Variants in MRC2 observed in about 807,000 individuals in gnomAD.
MRC2 encodes mannose receptor C-type 2, also known as C-type mannose receptor 2.
A neutral mutation model predicts 206.2 loss-of-function variants in MRC2; 84 were observed. The ratio of observed to expected loss-of-function variants is 0.41; its 90% CI spans 0.34 to 0.49. The LOEUF (loss-of-function observed/expected upper bound fraction) is 0.49, where lower values mean the gene tolerates loss of function less well. Among genes scored for constraint, MRC2 ranks in the 20% least tolerant of loss-of-function variants. The probability of loss-of-function intolerance (pLI) is 0.31; values close to 1 mark genes in which losing one functional copy is unlikely to be tolerated. For synonymous variants in MRC2, 798 were observed against 800.0 expected, an observed-to-expected ratio of 1.00 and a Z score of 0.04; for missense variants, 1,676 against 2,001.5, an observed-to-expected ratio of 0.84 and a Z score of 3.10.
chr17:62,656,404 C>G (rs1412171514), intron 1 of MRC2, among the ~76,000 whole-genome samples: 1 of 152,182 alleles, frequency 6.6e-6, no homozygotes, highest in Admixed American at 6.5e-5. Context: ...GTTACCTAGG[C>G]TTGTCTTGAA....
intron 1 of MRC2, among the ~76,000 whole-genome samples, chr17:62,651,051 C>G (rs1226222658): frequency 1.3e-5 from 2 of 152,140 alleles, no homozygotes; most frequent in East Asian, 3.9e-4. Flanking sequence ...TCTAAGATCC[C>G]TCCATTCACA....
At position 62,678,504 on chromosome 17, in the gene MRC2, G is replaced by A. The variant is rs753711148; in HGVS notation, c.2053G>A (p.Val685Met). ...SDTKLRYCYK[V>M]FSSERLQDKK... The stretch of plus-strand genomic sequence containing the variant: ...AGACAGCTGGACTCTGCCCCTGCAG[G>A]TGTTCAGCTCAGAGCGGCTGCAGGA... The change falls in exon 13 of 30, where the codon GTG (valine) becomes ATG (methionine). Residue 685 changes from valine (V) to methionine (M), a missense_variant and splice_region_variant. Physicochemically the swap from Val to Met is conservative, Grantham distance 21 (BLOSUM62 1). Coordinates refer to ENST00000303375, the MANE Select transcript of MRC2 (RefSeq NM_006039.5). The A allele has an allele frequency of 1.9e-6, 3 of 1,611,964 alleles. No individual in the cohort carries two copies. The highest frequency in any genetic ancestry group is 2.5e-6 in the Non-Finnish European group (3 of 1,179,260).
intron 23 of MRC2, chr17:62,689,273 G>A (rs888287319): frequency 6.9e-6 from 4 of 581,104 alleles, no homozygotes; most frequent in Non-Finnish European, 9.1e-6. Flanking sequence ...AGCTCCATGC[G>A]TAGGTGGCCT....
In MRC2 at chr17:62,682,312, C is replaced by T. The variant is rs776792261; in HGVS notation, c.2881C>T (p.Pro961Ser). The T allele has an allele frequency of 6.2e-7, 1 of 1,606,304 alleles. No homozygotes were observed. Among genetic ancestry groups the T allele is most frequent in the East Asian group, 2.2e-5 (1 of 44,640 alleles). The part of the protein sequence containing the change: ...KRSNVTKETQ[P>S]PDLPTTALGG... ...CAGCAACGTCACCAAAGAAACGCAG[C>T]CCCCAGACCTGCCAACTACAGCCCT... The change falls in exon 20 of 30, where the codon CCC (proline) becomes TCC (serine). Residue 961 changes from proline to serine, a missense_variant. Transcript: ENST00000303375.
At position 62,680,881 on chromosome 17, in the gene MRC2, T is replaced by C; in HGVS notation, c.2555T>C (p.Ile852Thr). The C allele has an allele frequency of 1.9e-6, 3 of 1,613,126 alleles. No homozygotes were observed. Among genetic ancestry groups the C allele is most frequent in the Non-Finnish European group, 2.5e-6 (3 of 1,179,926 alleles). ...TCCACGTGGGCGCAGGCGCAGCGCA[T>C]CTGCACGTGGTTCCAGGCCGAGCTG... is the stretch of plus-strand genomic sequence containing the variant. The part of the protein sequence containing the change: ...HHSTWAQAQR[I>T]CTWFQAELTS... The change falls in exon 17 of 30, where the codon ATC becomes ACC. Residue 852 changes from isoleucine (I) to threonine (T), a missense_variant. Ile to Thr is a moderately conservative substitution (Grantham distance 89). Coordinates refer to ENST00000303375, the MANE Select transcript of MRC2 (RefSeq NM_006039.5). The surrounding 1 kb of genome is among the most constrained non-coding windows in gnomAD (Gnocchi z 4.8).
At chr17:62,633,552 T>C (rs1598963480) in intron 1 of MRC2, among the ~76,000 whole-genome samples, 2 of 133,712 alleles carry the variant, frequency 1.5e-5, no homozygotes, top group East Asian at 4.4e-4. Flanking sequence ...GGTTCCCAAA[T>C]ATGATAAAAC....
rs373677437 is a variant in MRC2, at chr17:62,667,000, C to T, written c.973+130C>T. 6 of 737,986 alleles carry T rather than the reference C, an allele frequency of 8.1e-6. No individual in the cohort carries two copies. The highest frequency in any genetic ancestry group is 1.1e-5 in the Non-Finnish European group (5 of 439,348). 45.7% of individuals were successfully genotyped at this position (737,986 alleles called of 1,614,324 possible). A position where few individuals can be genotyped will look rare whatever the true frequency, so the allele number is the denominator to read the frequency against. On this transcript the variant is annotated intron_variant, in intron 5 of 29. Transcript: ENST00000303375. The surrounding 1 kb of genome is among the most constrained non-coding windows in gnomAD (Gnocchi z 5.0). ...TAGGGGAAGCACCGACCTCCACCCC[C>T]CTCCCCAGACTGCGCCCCCCTAGCC...
At chr17:62,662,922 AAAAAAAGAAAC>A (rs2088698554) in intron 1 of MRC2, among the ~76,000 whole-genome samples, 1 of 152,196 alleles carries the variant, frequency 6.6e-6, no homozygotes, top group Non-Finnish European at 1.5e-5. Context: ...AAAAGAAACA[AAAAAAAGAAAC>A]AAAAGAAAAT....
chr17:62,677,930 G>A (rs2088915045), intron 12 of MRC2, among the ~76,000 whole-genome samples: 1 of 152,138 alleles, frequency 6.6e-6, no homozygotes, highest in African/African-American at 2.4e-5. Context: ...GGCGCCTGTT[G>A]TCCCAGCTAC....
At position 62,681,075 on chromosome 17, in the gene MRC2, A is replaced by G. The variant is rs1412583372; in HGVS notation, c.2648A>G (p.Gln883Arg). ...SHNLQKFSRA[Q>R]EQHWWIGLHT... Reference sequence around the variant, plus strand: ...TGGCTTCTCCAGTTCTCCCGGGCCCAGGAGCAGCACTGGTGGATCGGCCTG... The same window carrying G: ...TGGCTTCTCCAGTTCTCCCGGGCCCGGGAGCAGCACTGGTGGATCGGCCTG... Residue 883 changes from glutamine (Q) to arginine (R), a missense_variant, in exon 18 of 30, where the codon CAG becomes CGG. Physicochemically the swap from Gln to Arg is conservative, Grantham distance 43. Transcript: ENST00000303375. 1 of 1,613,458 alleles carries G rather than the reference A, an allele frequency of 6.2e-7. No individual in the cohort carries two copies. The highest frequency in any genetic ancestry group is 8.5e-7 in the Non-Finnish European group (1 of 1,180,006).
At chr17:62,636,424 A>G (rs895280406) in intron 1 of MRC2, among the ~76,000 whole-genome samples, 1 of 150,944 alleles carries the variant, frequency 6.6e-6, no homozygotes, top group Non-Finnish European at 1.5e-5. Context: ...AAGATTCCCC[A>G]ATGAAGATTA....
chr17:62,645,516 TATATATA>T (rs1568052091), intron 1 of MRC2, among the ~76,000 whole-genome samples: 28 of 70,392 alleles, frequency 4.0e-4, no homozygotes, highest in Non-Finnish European at 5.4e-4. Flanking sequence ...TATATATATA[TATATATA>T]TATATTTTTT....
chr17:62,635,628 C>G (rs1052385784), intron 1 of MRC2, among the ~76,000 whole-genome samples: 4 of 152,140 alleles, frequency 2.6e-5, no homozygotes, highest in Admixed American at 2.6e-4. Flanking sequence ...CCTCACCTTG[C>G]AGCATGCATG....
intron 1 of MRC2, among the ~76,000 whole-genome samples, chr17:62,646,007 T>C (rs1399863178): frequency 6.6e-6 from 1 of 151,238 alleles, no homozygotes; most frequent in Non-Finnish European, 1.5e-5. Context: ...TTTAGGTCAT[T>C]TCTCTGTCCT....
In MRC2 at chr17:62,641,202, G is replaced by A. The variant is rs979385571; in HGVS notation, c.118+13282G>A. 8.0e-5 allele frequency among the ~76,000 whole-genome samples: 12 copies of A among 150,144 alleles called. No individual in the cohort carries two copies. In the East Asian group the frequency reaches 1.0e-3, roughly 13 times the overall value. ...CGGCTGGGTGCGATGGCTCATGCCC[G>A]TAATCCCAGCACTTTGGGAGGCCGA... is the stretch of plus-strand genomic sequence containing the variant. On this transcript the variant is annotated intron_variant, in intron 1 of 29. Coordinates refer to ENST00000303375, the MANE Select transcript of MRC2 (RefSeq NM_006039.5).
chr17:62,641,007 C>T (rs1294184484), intron 1 of MRC2, among the ~76,000 whole-genome samples: 4 of 151,704 alleles, frequency 2.6e-5, no homozygotes, highest in Non-Finnish European at 4.4e-5. Flanking sequence ...TGTGCCCGGC[C>T]TAATTTTTTT....
At chr17:62,661,733 C>T (rs1199507672) in intron 1 of MRC2, 1 of 152,092 alleles carries the variant, frequency 6.6e-6, no homozygotes, top group Non-Finnish European at 1.5e-5. Context: ...GCCAGAGGCT[C>T]TTTTAATATT....
chr17:62,692,360 C>A lies in MRC2; in HGVS notation c.4349C>A (p.Ala1450Asp). 6.4e-7 allele frequency: 1 copy of A among 1,573,248 alleles called. No homozygotes were observed. The highest frequency in any genetic ancestry group is 2.3e-5 in the East Asian group (1 of 43,100). Reference sequence around the variant, plus strand: ...ATCGAGCGCGGGGCCTTTGAGGGTGCCCGCTACAGCCGCAGCAGCTCCAGC... The same window carrying A: ...ATCGAGCGCGGGGCCTTTGAGGGTGACCGCTACAGCCGCAGCAGCTCCAGC... ...QSIERGAFEG[A>D]RYSRSSSSPT... The change falls in exon 30 of 30, where the codon GCC (alanine) becomes GAC (aspartate). Residue 1450 changes from alanine (A) to aspartate (D), a missense_variant. Physicochemically the swap from Ala to Asp is moderately radical, Grantham distance 126. Around this residue, in one of 3 missense-constraint regions of MRC2, gnomAD observed 1,354 missense variants for 1,636.6 expected, o/e 0.83. Coordinates refer to ENST00000303375, the MANE Select transcript of MRC2 (RefSeq NM_006039.5). This position sits in a 1 kb window ranked among gnomAD's most constrained non-coding sequence, Gnocchi z 4.2.
rs1183173016 is a variant in MRC2, at chr17:62,676,438, T to C, written c.1741T>C (p.Trp581Arg). ...LIYNWEGEYFWTALQDLNSTG... is the reference protein window; with the variant it reads ...LIYNWEGEYFRTALQDLNSTG... Reference sequence around the variant, plus strand: ...CTACAACTGGGAGGGCGAGTACTTCTGGACGGCCCTGCAGGACCTCAACAG... The same window carrying C: ...CTACAACTGGGAGGGCGAGTACTTCCGGACGGCCCTGCAGGACCTCAACAG... Residue 581 changes from tryptophan (W) to arginine (R), a missense_variant, in exon 11 of 30, where the codon TGG becomes CGG. Physicochemically the swap from Trp to Arg is moderately radical, Grantham distance 101. Around this residue, in one of 3 missense-constraint regions of MRC2, gnomAD observed 1,354 missense variants for 1,636.6 expected, o/e 0.83. Transcript: ENST00000303375. The C allele has an allele frequency of 1.2e-6, 2 of 1,613,964 alleles. No homozygotes were observed. Among genetic ancestry groups the C allele is most frequent in the African/African-American group, 2.7e-5 (2 of 74,932 alleles).
Sources: allele counts gnomAD v4.1 joint callset (sites outside exome capture counted in the v4.1 genomes callset), GRCh38; gene constraint gnomAD v4.1.1; regional missense constraint gnomAD v4.1.1; non-coding constraint Gnocchi (gnomAD v3.1); transcripts MANE v1.5; gene names NCBI Gene and HGNC (gene_info 2026-07-23, HGNC 2026-07-21).